MMP16: variants seen among roughly 807,000 people sequenced by gnomAD.
MMP16 encodes the protein matrix metalloproteinase-16.
In MMP16, 12 loss-of-function variants were observed where a neutral mutation model predicts 67.8. The ratio of observed to expected loss-of-function variants is 0.18; its 90% CI spans 0.11 to 0.29. MMP16 has a LOEUF of 0.29. Ranked by LOEUF, MMP16 falls within the 10% of genes least tolerant of loss-of-function variation. MMP16 has a pLI of 1.00. For synonymous variants in MMP16, 249 were observed against 255.9 expected (o/e 0.97, Z 0.26); for missense variants, 475 against 765.7 (o/e 0.62, Z 4.48).
At chr8:88,167,584 C>A (rs182637540) in intron 4 of MMP16, 85 bp downstream of exon 4, 2 of 1,327,270 alleles carry the variant, frequency 1.5e-6, no homozygotes, top group African/African-American at 1.5e-5. Flanking sequence ...AGGATCTATA[C>A]CTTAAGTTTG....
At chr8:88,322,548 G>T (rs1239861343) in intron 1 of MMP16, among the ~76,000 whole-genome samples, 1 of 151,958 alleles carries the variant, frequency 6.6e-6, no homozygotes, top group African/African-American at 2.4e-5. Context: ...ATGACATGTG[G>T]CTAGATGTGG....
chr8:88,137,313 C>A (rs945401605), intron 4 of MMP16, among the ~76,000 whole-genome samples: 4 of 151,896 alleles, frequency 2.6e-5, no homozygotes, highest in African/African-American at 7.2e-5. Context: ...CTCCTCCCCC[C>A]CAAAACCCAA....
rs564459792 is a variant in MMP16 at position 88,130,668 on chromosome 8, G to A, written c.710-11807C>T. ...GTTGGCAGACTATTCTGCTGGCAAC[G>A]TGGTTAAGAATTTCAAATGTTCTGA... On this transcript the variant is annotated intron_variant, in intron 4 of 9. Coordinates refer to ENST00000286614, the MANE Select transcript of MMP16 (RefSeq NM_005941.5). Among the ~76,000 whole-genome samples, 154 of 151,698 alleles carry A rather than the reference G, an allele frequency of 1.0e-3. 1 individual carries two copies. The highest frequency in any genetic ancestry group is 3.6e-3 in the African/African-American group (151 of 41,438).
At chr8:88,110,328 A>G (rs1391116180) in intron 6 of MMP16, among the ~76,000 whole-genome samples, 2 of 151,582 alleles carry the variant, frequency 1.3e-5, no homozygotes, top group South Asian at 4.1e-4. Context: ...GCATAATTGC[A>G]ATTACAAATA....
At chr8:88,167,388 T>C (rs1242380279) in intron 4 of MMP16, among the ~76,000 whole-genome samples, 1 of 152,156 alleles carries the variant, frequency 6.6e-6, no homozygotes, top group Admixed American at 6.6e-5. Context: ...ATAAAATCTT[T>C]TAAGGAATCA....
intron 6 of MMP16, among the ~76,000 whole-genome samples, chr8:88,078,980 A>G (rs1275798682): frequency 6.6e-6 from 1 of 152,028 alleles, no homozygotes; most frequent in Admixed American, 6.6e-5. Context: ...CTGCCACTGT[A>G]TTTCACTGAG....
At chr8:88,216,363 C>T (rs1809594537) in intron 1 of MMP16, among the ~76,000 whole-genome samples, 1 of 152,120 alleles carries the variant, frequency 6.6e-6, no homozygotes, top group African/African-American at 2.4e-5. Context: ...AAGAATGCTT[C>T]AATACCCTGA....
chr8:88,089,611 G>T (rs913366392), intron 6 of MMP16, among the ~76,000 whole-genome samples: 5 of 151,932 alleles, frequency 3.3e-5, no homozygotes, highest in African/African-American at 1.2e-4. Context: ...AAGAGGAAAT[G>T]AAGTAATAAT....
intron 3 of MMP16, among the ~76,000 whole-genome samples, chr8:88,178,307 G>C (rs886614493): frequency 3.9e-5 from 6 of 152,194 alleles, no homozygotes; most frequent in Non-Finnish European, 7.4e-5. Context: ...AGGCTAAGGG[G>C]TCTAATGAAA....
chr8:88,295,274 C>T (rs1055405464), intron 1 of MMP16, among the ~76,000 whole-genome samples: 1 of 152,076 alleles, frequency 6.6e-6, no homozygotes, highest in Non-Finnish European at 1.5e-5. Context: ...TGTTCTAAAC[C>T]AAGTTCTAAT....
At position 88,240,610 on chromosome 8, in the gene MMP16, A is replaced by G. The variant is rs903686364; in HGVS notation, c.133-43304T>C. On this transcript the variant is annotated intron_variant, in intron 1 of 9. Transcript: ENST00000286614. ...AAAATTAGATTTTCTTTGTAAACTG[A>G]TGAATTTTCTATGTGGATAATGGAC... Among the ~76,000 whole-genome samples, 6 of 152,258 alleles carry G rather than the reference A, an allele frequency of 3.9e-5. No individual in the cohort carries two copies. In the South Asian group the frequency reaches 1.2e-3, roughly 32 times the overall value.
At chr8:88,184,277 G>T (rs1351263132) in intron 3 of MMP16, among the ~76,000 whole-genome samples, 1 of 151,800 alleles carries the variant, frequency 6.6e-6, no homozygotes, top group African/African-American at 2.4e-5. Context: ...TTTTGTTTCA[G>T]CTCAACAATG....
At chr8:88,130,244 T>G (rs1340180362) in intron 4 of MMP16, among the ~76,000 whole-genome samples, 3 of 151,794 alleles carry the variant, frequency 2.0e-5, no homozygotes, top group African/African-American at 7.2e-5. Flanking sequence ...TATCAAAATA[T>G]TTTAGTAAAG....
intron 1 of MMP16, among the ~76,000 whole-genome samples, chr8:88,263,098 T>C (rs1296915611): frequency 6.6e-6 from 1 of 151,946 alleles, no homozygotes; most frequent in Non-Finnish European, 1.5e-5. Context: ...TACACCACTA[T>C]CATTGCCACC....
Position 88,186,601 on chromosome 8 carries a change from G to GAA in MMP16, c.282-4_282-3insTT. On this transcript the variant is annotated splice_region_variant and splice_polypyrimidine_tract_variant and intron_variant, in intron 2 of 9. Coordinates refer to ENST00000286614, the MANE Select transcript of MMP16 (RefSeq NM_005941.5). Reference sequence around the variant, plus strand: ...CGCATCGGGGCTTCTTCATCCAGCTGCAAAAAAAAAAAAAAAAAAAAAAAA... The same window carrying GAA: ...CGCATCGGGGCTTCTTCATCCAGCTGAACAAAAAAAAAAAAAAAAAAAAAAAA... The GAA allele has an allele frequency of 2.1e-6, 2 of 949,370 alleles. No individual in the cohort carries two copies. Among genetic ancestry groups the GAA allele is most frequent in the Admixed American group, 5.0e-5 (1 of 20,118 alleles). The allele number at this position is 949,370 out of a possible 1,614,324, so 58.8% of individuals were successfully genotyped here.
intron 6 of MMP16, among the ~76,000 whole-genome samples, chr8:88,107,675 A>T (rs998380363): frequency 2.6e-5 from 4 of 151,148 alleles, no homozygotes; most frequent in African/African-American, 9.7e-5. Flanking sequence ...ACTTTTATTC[A>T]TGGAAGTTCT....
chr8:88,303,998 T>C (rs1166729641), intron 1 of MMP16, among the ~76,000 whole-genome samples: 2 of 152,130 alleles, frequency 1.3e-5, no homozygotes, highest in Non-Finnish European at 2.9e-5. Context: ...AAGAACTTCA[T>C]TGAGCTAAAG....
At chr8:88,320,688 C>G (rs1363505731) in intron 1 of MMP16, among the ~76,000 whole-genome samples, 1 of 152,088 alleles carries the variant, frequency 6.6e-6, no homozygotes, top group Non-Finnish European at 1.5e-5. Flanking sequence ...TCTGATTGCA[C>G]CTAGTATCTG....
intron 1 of MMP16, among the ~76,000 whole-genome samples, chr8:88,232,584 C>A (rs541062149): frequency 4.7e-4 from 71 of 152,232 alleles, no homozygotes; most frequent in Admixed American, 8.5e-4. Context: ...CACATTATGT[C>A]CTAGAGTTTC....
Sources: allele counts gnomAD v4.1 joint callset (sites outside exome capture counted in the v4.1 genomes callset), GRCh38; gene constraint gnomAD v4.1.1; transcripts MANE v1.5; gene names NCBI Gene and HGNC (gene_info 2026-07-23, HGNC 2026-07-21).